The following AGMO variants were observed in gnomAD, a reference collection of about 807,000 sequenced individuals.
The protein encoded by AGMO is alkylglycerol monooxygenase, also known as glyceryl-ether monooxygenase.
Under a neutral mutation model 60.2 loss-of-function variants are expected in AGMO, and 75 were observed. That is an observed-to-expected ratio of 1.25 (90% CI 1.03 to 1.51). The LOEUF (loss-of-function observed/expected upper bound fraction) is 1.51. Among genes scored for constraint, AGMO ranks in the 40% most tolerant of loss-of-function variants. AGMO has a pLI of 0.00. For synonymous variants in AGMO, 261 were observed against 177.1 expected (o/e 1.47, Z -3.76); for missense variants, 763 against 525.5 (o/e 1.45, Z -4.42).
the AGMO span, among the ~76,000 whole-genome samples, chr7:15,166,594 G>A: frequency 6.6e-6 from 1 of 152,108 alleles, no homozygotes; most frequent in Non-Finnish European, 1.5e-5. Flanking sequence ...ATCATTCCAG[G>A]TGCTATATTA....
intron 3 of AGMO, among the ~76,000 whole-genome samples, chr7:15,492,415 C>A (rs927934107): frequency 1.1e-4 from 17 of 150,554 alleles, no homozygotes; most frequent in Admixed American, 8.6e-4. Context: ...TAAAGAACGT[C>A]TAGACTTTCC....
intron 3 of AGMO, among the ~76,000 whole-genome samples, chr7:15,450,859 T>C (rs973179355): frequency 6.6e-6 from 1 of 151,960 alleles, no homozygotes; most frequent in Non-Finnish European, 1.5e-5. Flanking sequence ...AACATAGAAA[T>C]CCAAACATGA....
the AGMO span, among the ~76,000 whole-genome samples, chr7:15,179,460 G>GT: frequency 6.6e-6 from 1 of 152,148 alleles, no homozygotes. Flanking sequence ...TCTCAAGTAA[G>GT]TAAAAAACCT....
intron 3 of AGMO, among the ~76,000 whole-genome samples, chr7:15,533,706 C>T (rs1285053745): frequency 6.6e-6 from 1 of 152,122 alleles, no homozygotes; most frequent in Non-Finnish European, 1.5e-5. Context: ...AAGAAAAGAT[C>T]ACTGCTAATG....
chr7:15,469,970 T>C (rs944195098), intron 3 of AGMO, among the ~76,000 whole-genome samples: 3 of 152,042 alleles, frequency 2.0e-5, no homozygotes, highest in African/African-American at 7.2e-5. Flanking sequence ...GGGATATTAT[T>C]TGGGAATACT....
chr7:15,472,382 A>C (rs985267374), intron 3 of AGMO, among the ~76,000 whole-genome samples: 2 of 151,998 alleles, frequency 1.3e-5, no homozygotes, highest in Non-Finnish European at 2.9e-5. Context: ...GATGTATGCA[A>C]TTAGCAAACT....
chr7:15,352,575 T>C (rs954475622), intron 12 of AGMO, among the ~76,000 whole-genome samples: 2 of 151,616 alleles, frequency 1.3e-5, no homozygotes, highest in Non-Finnish European at 2.9e-5. Flanking sequence ...TGGCCAGAAA[T>C]GCGTGGCAAT....
chr7:15,259,832 A>G (rs1401105432), intron 12 of AGMO, among the ~76,000 whole-genome samples: 1 of 147,218 alleles, frequency 6.8e-6, no homozygotes, highest in Non-Finnish European at 1.5e-5. Context: ...AAGCAAAGAT[A>G]CAGTCTTTTC....
chr7:15,229,730 T>C lies in AGMO; in HGVS notation c.1264-28371A>G, dbSNP rs1216120521. 1.2e-4 allele frequency among the ~76,000 whole-genome samples: 17 copies of C among 144,010 alleles called. 1 individual carries two copies. The South Asian group carries it at 3.7e-3, about 31-fold the overall frequency. The allele number at this position is 144,010 out of a possible 152,430, so 94.5% of individuals were successfully genotyped here. Reference sequence around the variant, plus strand: ...TATATATATTATATTATATATAAATTATATATTATAATATATATAAATAAT... The same window carrying C: ...TATATATATTATATTATATATAAATCATATATTATAATATATATAAATAAT... On this transcript the variant is annotated intron_variant, in intron 12 of 12. Coordinates refer to ENST00000342526, the MANE Select transcript of AGMO (RefSeq NM_001004320.2).
At chr7:15,271,755 G>T (rs1376992646) in intron 12 of AGMO, among the ~76,000 whole-genome samples, 1 of 152,080 alleles carries the variant, frequency 6.6e-6, no homozygotes, top group Non-Finnish European at 1.5e-5. Flanking sequence ...GGTTCTTAGG[G>T]AAAATGCTTT....
intron 3 of AGMO, among the ~76,000 whole-genome samples, chr7:15,540,956 C>A (rs1196901980): frequency 6.6e-6 from 1 of 152,192 alleles, no homozygotes; most frequent in Non-Finnish European, 1.5e-5. Context: ...AGCTTATTAT[C>A]AGGACCCTGA....
intron 10 of AGMO, among the ~76,000 whole-genome samples, chr7:15,367,155 T>C (rs536475762): frequency 6.6e-6 from 1 of 152,094 alleles, no homozygotes; most frequent in Non-Finnish European, 1.5e-5. Context: ...TCAATTTTAG[T>C]CTGGTCTTTT....
At chr7:15,248,224 A>ATATATATATT (rs1486326352) in intron 12 of AGMO, among the ~76,000 whole-genome samples, 1 of 98,748 alleles carries the variant, frequency 1.0e-5, no homozygotes, top group Non-Finnish European at 2.1e-5. Context: ...ATATATATAT[A>ATATATATATT]TCTTCATCTT....
intron 12 of AGMO, among the ~76,000 whole-genome samples, chr7:15,273,783 C>T (rs1404862934): frequency 6.6e-6 from 1 of 152,102 alleles, no homozygotes; most frequent in Non-Finnish European, 1.5e-5. Context: ...TTGTTTGTGT[C>T]CTCTTTTATT....
intron 12 of AGMO, among the ~76,000 whole-genome samples, chr7:15,299,883 AC>A (rs1563075572): frequency 0.042 from 4,709 of 112,598 alleles, 264 homozygotes; most frequent in African/African-American, 0.1. Flanking sequence ...ACACACACAC[AC>A]ACAGTATGTT....
chr7:15,265,885 T>A (rs1346600327), intron 12 of AGMO, among the ~76,000 whole-genome samples: 1 of 152,136 alleles, frequency 6.6e-6, no homozygotes, highest in East Asian at 1.9e-4. Context: ...TCAGTGTATG[T>A]TCACCAACAG....
chr7:15,298,731 AT>A, intron 12 of AGMO, among the ~76,000 whole-genome samples: 1 of 152,230 alleles, frequency 6.6e-6, no homozygotes, highest in East Asian at 1.9e-4. Flanking sequence ...CCACTCATTA[AT>A]TTTAAGCTAT....
intron 8 of AGMO, among the ~76,000 whole-genome samples, chr7:15,390,384 G>T (rs1000891305): frequency 2.0e-5 from 3 of 152,146 alleles, no homozygotes; most frequent in African/African-American, 7.2e-5. Context: ...CTGAATACAT[G>T]AACATATTTC....
intron 3 of AGMO, among the ~76,000 whole-genome samples, chr7:15,510,562 A>G (rs1028950738): frequency 2.8e-5 from 4 of 143,676 alleles, no homozygotes; most frequent in African/African-American, 1.0e-4. Flanking sequence ...TATATATGTC[A>G]TATATGTGAT....
Sources: gnomAD v4.1 joint callset for allele counts (sites outside exome capture counted in the v4.1 genomes callset) on GRCh38, gnomAD v4.1.1 for gene constraint, MANE v1.5 for transcripts, NCBI Gene and HGNC (gene_info 2026-07-23, HGNC 2026-07-21) for gene names.